Variants in SLC75A1 observed in about 807,000 individuals in gnomAD.
SLC75A1 encodes the protein solute carrier family 75 member 1.
At chr4:2,932,794 C>T in the SLC75A1 span, 29 of 1,530,754 alleles carry the variant, frequency 1.9e-5, no homozygotes, top group South Asian at 1.6e-4. Flanking sequence ...CAGGGGCGGT[C>T]GCTTAAGGCC....
chr4:2,933,531 G>C, the SLC75A1 span: 1 of 1,606,650 alleles, frequency 6.2e-7, no homozygotes, highest in Non-Finnish European at 8.5e-7. Context: ...ACATAGGACC[G>C]TAGAGAGCCC....
At chr4:2,931,022 T>C in the SLC75A1 span, 1 of 1,610,972 alleles carries the variant, frequency 6.2e-7, no homozygotes, top group African/African-American at 1.3e-5. Context: ...GGCAGGTGCT[T>C]GGCCCCCAGC....
the SLC75A1 span, chr4:2,931,383 T>C: frequency 6.5e-7 from 1 of 1,548,472 alleles, no homozygotes. Context: ...ACCAAAGGAG[T>C]AGAGCAGCAG....
the SLC75A1 span, chr4:2,933,976 G>A: frequency 6.6e-7 from 1 of 1,518,992 alleles, no homozygotes; most frequent in Non-Finnish European, 8.8e-7. Context: ...GGGTTAGCGG[G>A]GAAGCCGAGT....
the SLC75A1 span, chr4:2,932,773 G>A: frequency 6.5e-7 from 1 of 1,542,512 alleles, no homozygotes; most frequent in Non-Finnish European, 8.7e-7. Context: ...CCAGGGGCAG[G>A]GGCCAAGAGG....
At chr4:2,932,557 G>C in the SLC75A1 span, 7 of 1,612,516 alleles carry the variant, frequency 4.3e-6, no homozygotes, top group African/African-American at 1.3e-5. Context: ...CCCAGGCCCA[G>C]AAGTCACCAC....
chr4:2,931,553 A>T, the SLC75A1 span: 12 of 1,611,176 alleles, frequency 7.4e-6, no homozygotes, highest in Non-Finnish European at 1.0e-5. Context: ...GGAGCCCCCT[A>T]CCCGCTTCAC....
At chr4:2,932,488 G>C in the SLC75A1 span, 1 of 1,613,756 alleles carries the variant, frequency 6.2e-7, no homozygotes, top group South Asian at 1.1e-5. Flanking sequence ...GTGAAGCCCA[G>C]TGAGAAGGCC....
chr4:2,933,079 C>T, the SLC75A1 span: 5 of 1,608,588 alleles, frequency 3.1e-6, no homozygotes, highest in African/African-American at 5.3e-5. Context: ...GAGGCTTCCC[C>T]ATGGGCACCC....
the SLC75A1 span, chr4:2,934,109 AC>A: frequency 1.5e-6 from 1 of 650,396 alleles, no homozygotes; most frequent in Non-Finnish European, 2.6e-6. Flanking sequence ...CCCGCCCCGA[AC>A]CCAGGCAGCA....
chr4:2,934,044 G>T, the SLC75A1 span: 1 of 1,097,816 alleles, frequency 9.1e-7, no homozygotes, highest in Non-Finnish European at 1.3e-6. Flanking sequence ...TAAAGGGGCT[G>T]ATGGCAGGGG....
chr4:2,932,425 C>A, the SLC75A1 span: 1 of 1,613,714 alleles, frequency 6.2e-7, no homozygotes. Flanking sequence ...AAGAGCAGGG[C>A]AAACCAGGGT....
chr4:2,932,074 G>A, the SLC75A1 span: 2 of 1,611,212 alleles, frequency 1.2e-6, no homozygotes, highest in Non-Finnish European at 1.7e-6. Flanking sequence ...CTGGCCACGA[G>A]CGACAGCCGA....
chr4:2,933,304 C>G, the SLC75A1 span: 928 of 1,258,314 alleles, frequency 7.4e-4, 1 homozygote, highest in Non-Finnish European at 9.2e-4. Context: ...TCCTGAGGGT[C>G]CAGTCATGCT....
At chr4:2,930,721 G>A in the SLC75A1 span, 32 of 1,189,334 alleles carry the variant, frequency 2.7e-5, no homozygotes, top group East Asian at 3.3e-4. Flanking sequence ...CTTAGGGGCC[G>A]GCCCCCACCC....
chr4:2,934,106 C>A, the SLC75A1 span: 1 of 654,486 alleles, frequency 1.5e-6, no homozygotes, highest in South Asian at 2.0e-5. Context: ...GCCCCCGCCC[C>A]GAACCCAGGC....
At chr4:2,931,163 GCA>G in the SLC75A1 span, 12 of 1,557,430 alleles carry the variant, frequency 7.7e-6, no homozygotes, top group African/African-American at 1.6e-4. Flanking sequence ...GTGGGAAGAG[GCA>G]CAGTCAGGCA....
chr4:2,934,391 G>C, the SLC75A1 span: 1 of 174,222 alleles, frequency 5.7e-6, no homozygotes, highest in African/African-American at 2.4e-5. Flanking sequence ...GGGGCCATGG[G>C]GTGCACACCG....
the SLC75A1 span, chr4:2,931,462 G>C: frequency 6.4e-7 from 1 of 1,573,402 alleles, no homozygotes; most frequent in South Asian, 1.2e-5. Flanking sequence ...AGCAGCAGGA[G>C]GGCCTGCAGG....
Sources: gnomAD v4.1 joint callset for allele counts on GRCh38, gnomAD v4.1.1 for gene constraint, MANE v1.5 for transcripts, NCBI Gene and HGNC (gene_info 2026-07-23, HGNC 2026-07-21) for gene names.